KCTD3: variants seen among roughly 807,000 people sequenced by gnomAD.
KCTD3 encodes the protein potassium channel tetramerization domain containing 3.
In KCTD3, 41 loss-of-function variants were observed where a neutral mutation model predicts 85.8. That is an observed-to-expected ratio of 0.48 (90% confidence interval 0.37 to 0.62). KCTD3 has a LOEUF of 0.62. KCTD3 is among the 20% of genes least tolerant of loss of function. KCTD3 has a pLI of 0.00. For synonymous variants in KCTD3, 338 were observed against 345.4 expected (o/e 0.98, Z 0.24); for missense variants, 724 against 989.9 (o/e 0.73, Z 3.60).
In KCTD3 at chr1:215,620,689, T is replaced by G; in HGVS notation, c.*71T>G. ...TTAAACTTTACTGAATTTCAGTACATTAGTTTTTACACTAAAACTTTACAA... is the reference window on the plus strand; with the variant it reads ...TTAAACTTTACTGAATTTCAGTACAGTAGTTTTTACACTAAAACTTTACAA... On this transcript the variant is annotated 3_prime_UTR_variant, in exon 18 of 18. Transcript: ENST00000259154. 9.0e-7 allele frequency: 1 copy of G among 1,108,330 alleles called. No individual in the cohort carries two copies. The highest frequency in any genetic ancestry group is 1.3e-6 in the Non-Finnish European group (1 of 778,960). 68.7% of individuals were successfully genotyped at this position (1,108,330 alleles called of 1,614,324 possible). A position where few individuals can be genotyped will look rare whatever the true frequency, so the allele number is the denominator to read the frequency against.
At chr1:215,611,691 G>A (rs1282689974) in intron 14 of KCTD3, 134 bp from the exon 15 acceptor site, 3 of 557,934 alleles carry the variant, frequency 5.4e-6, no homozygotes, top group Middle Eastern at 4.8e-4. Context: ...CATGTCTGAT[G>A]TTGAGCTGAA....
chr1:215,575,623 C>G (rs144589605), intron 3 of KCTD3, among the ~76,000 whole-genome samples: 1 of 152,250 alleles, frequency 6.6e-6, no homozygotes, highest in African/African-American at 2.4e-5. Flanking sequence ...GGTATCAATA[C>G]AAGTGATTTT....
rs1386999521 is a variant in KCTD3 at position 215,586,633 on chromosome 1, G to A, written c.765G>A (p.Glu255=). Residue 255 remains glutamate, a synonymous_variant, in exon 9 of 18, where the codon GAG becomes GAA. Transcript: ENST00000259154. The part of the protein sequence containing the change: ...DKDKMVAVAS[E]SSIILWSVQD... Reference sequence around the variant, plus strand: ...ACAAAATGGTTGCTGTTGCCTCAGAGAGTAGCATCATCTTGTGGAGTGTTC... The same window carrying A: ...ACAAAATGGTTGCTGTTGCCTCAGAAAGTAGCATCATCTTGTGGAGTGTTC... The A allele has an allele frequency of 1.2e-6, 2 of 1,614,128 alleles. No homozygotes were observed. Among genetic ancestry groups the A allele is most frequent in the Admixed American group, 3.3e-5 (2 of 60,010 alleles).
At chr1:215,606,887 A>G (rs1037228930) in intron 13 of KCTD3, among the ~76,000 whole-genome samples, 2 of 152,010 alleles carry the variant, frequency 1.3e-5, no homozygotes, top group African/African-American at 4.8e-5. Flanking sequence ...TAATTGTCCA[A>G]TTGAATCAAC....
chr1:215,597,613 A>G (rs1337765247), intron 10 of KCTD3, among the ~76,000 whole-genome samples: 1 of 152,178 alleles, frequency 6.6e-6, no homozygotes, highest in Non-Finnish European at 1.5e-5. Flanking sequence ...CCTAGCCTCT[A>G]AATACACAGT....
chr1:215,572,026 A>G (rs1307596624), intron 1 of KCTD3, among the ~76,000 whole-genome samples: 1 of 152,224 alleles, frequency 6.6e-6, no homozygotes, highest in Non-Finnish European at 1.5e-5. Context: ...CAGTGCATAC[A>G]CGGCTTCTGC....
At chr1:215,588,726 A>G (rs112608703) in intron 9 of KCTD3, among the ~76,000 whole-genome samples, 57 of 152,314 alleles carry the variant, frequency 3.7e-4, no homozygotes, top group African/African-American at 1.3e-3. Flanking sequence ...CCAGATGGGT[A>G]CAAGTAAAAC....
At chr1:215,595,317 G>A (rs775967712) in intron 9 of KCTD3, 39 bp from the exon 10 acceptor site, 2 of 1,217,644 alleles carry the variant, frequency 1.6e-6, no homozygotes, top group Non-Finnish European at 2.4e-6. Context: ...TCTAAAAATG[G>A]TGACTGATTA....
intron 1 of KCTD3, among the ~76,000 whole-genome samples, chr1:215,571,047 T>A (rs1384184940): frequency 2.6e-5 from 4 of 152,240 alleles, no homozygotes; most frequent in Non-Finnish European, 5.9e-5. Context: ...CCCAAAATGC[T>A]GATTAAAATT....
chr1:215,589,676 A>T lies in KCTD3; in HGVS notation c.817+2991A>T, dbSNP rs147061896. Among the ~76,000 whole-genome samples the T allele has an allele frequency of 1.4e-3, 211 of 152,032 alleles. 4 individuals carry two copies. In the East Asian group the frequency reaches 0.035, roughly 25 times the overall value. The stretch of plus-strand genomic sequence containing the variant: ...TTAGGTTTCCTTTATCTAGAATTTC[A>T]TGAGTAGAATTATATAGTATTTATT... On this transcript the variant is annotated intron_variant, in intron 9 of 17. Coordinates refer to ENST00000259154, the MANE Select transcript of KCTD3 (RefSeq NM_016121.5).
At chr1:215,578,814 CTTTG>C (rs1303520668) in intron 6 of KCTD3, among the ~76,000 whole-genome samples, 182 bp from the exon 7 acceptor site, 1 of 151,808 alleles carries the variant, frequency 6.6e-6, no homozygotes, top group East Asian at 1.9e-4. Context: ...TTGTCTTTGT[CTTTG>C]TTTTTTTCAT....
intron 13 of KCTD3, among the ~76,000 whole-genome samples, chr1:215,605,384 C>T (rs1300644389): frequency 6.6e-6 from 1 of 152,156 alleles, no homozygotes; most frequent in African/African-American, 2.4e-5. Flanking sequence ...TTTCATAAAA[C>T]ATTACTCCCC....
At chr1:215,615,667 A>G (rs976626581) in intron 15 of KCTD3, among the ~76,000 whole-genome samples, 2 of 152,012 alleles carry the variant, frequency 1.3e-5, no homozygotes, top group African/African-American at 4.8e-5. Context: ...AAAGTTCAAA[A>G]TTATGTTTGT....
intron 15 of KCTD3, among the ~76,000 whole-genome samples, chr1:215,617,632 T>C (rs1655503360): frequency 6.6e-6 from 1 of 151,832 alleles, no homozygotes; most frequent in Admixed American, 6.6e-5. Flanking sequence ...AGGGGATAGC[T>C]GACCTCTCTC....
At chr1:215,575,996 A>T in intron 4 of KCTD3, 22 bp downstream of exon 4, 1 of 1,180,054 alleles carries the variant, frequency 8.5e-7, no homozygotes, top group Non-Finnish European at 1.2e-6. Context: ...ACTCTTTTTA[A>T]AGTAAATTCT....
At chr1:215,578,156 A>G (rs1659660519) in intron 6 of KCTD3, 75 bp downstream of exon 6, 1 of 1,181,902 alleles carries the variant, frequency 8.5e-7, no homozygotes, top group Admixed American at 2.0e-5. Context: ...AATAGGAAAA[A>G]CTGCTCCTTG....
intron 9 of KCTD3, among the ~76,000 whole-genome samples, chr1:215,593,857 CT>C (rs11362703): frequency 0.43 from 48,125 of 111,664 alleles, 9,259 homozygotes; most frequent in African/African-American, 0.68. Context: ...TGGAATACAA[CT>C]TTTTTTTTTT....
intron 4 of KCTD3, among the ~76,000 whole-genome samples, chr1:215,576,995 A>G (rs1042967130): frequency 1.3e-5 from 2 of 152,218 alleles, no homozygotes; most frequent in Non-Finnish European, 2.9e-5. Flanking sequence ...ACAAATTACA[A>G]CTGAAACCTA....
intron 8 of KCTD3, among the ~76,000 whole-genome samples, chr1:215,584,139 T>G (rs1659927579): frequency 6.6e-6 from 1 of 152,206 alleles, no homozygotes; most frequent in South Asian, 2.1e-4. Flanking sequence ...TGCCTCTTGT[T>G]TCTTCTGAAC....
Sources: allele counts gnomAD v4.1 joint callset (sites outside exome capture counted in the v4.1 genomes callset), GRCh38; gene constraint gnomAD v4.1.1; transcripts MANE v1.5; gene names NCBI Gene and HGNC (gene_info 2026-07-23, HGNC 2026-07-21).